The following NCOR2 variants were observed in gnomAD, a reference collection of about 807,000 sequenced individuals.
NCOR2 encodes CTG repeat protein 26.
Under a neutral mutation model 262.9 loss-of-function variants are expected in NCOR2, and 81 were observed. That is an observed-to-expected ratio of 0.31 (90% CI 0.26 to 0.37). The LOEUF is 0.37. NCOR2 is among the 10% of genes least tolerant of loss of function. The pLI is 1.00. For synonymous variants in NCOR2, 1,659 were observed against 1,559.3 expected (o/e 1.06, Z -1.51); for missense variants, 3,385 against 3,621.4 (o/e 0.93, Z 1.68).
At chr12:124,413,226 G>A (rs2042681739) in intron 13 of NCOR2, among the ~76,000 whole-genome samples, 1 of 152,210 alleles carries the variant, frequency 6.6e-6, no homozygotes, top group South Asian at 2.1e-4. Context: ...CCTGGGAGGG[G>A]CGGTCGTGCC....
At chr12:124,515,143 C>A (rs891514195) in intron 1 of NCOR2, among the ~76,000 whole-genome samples, 15 of 152,166 alleles carry the variant, frequency 9.9e-5, no homozygotes, top group African/African-American at 3.4e-4. Context: ...CTGCCTGGAC[C>A]CCCTGGGATG....
intron 20 of NCOR2, among the ~76,000 whole-genome samples, chr12:124,369,266 A>AAGAAAACACCCAGGC (rs2136007645): frequency 6.6e-6 from 1 of 152,330 alleles, no homozygotes; most frequent in Non-Finnish European, 1.5e-5. Flanking sequence ...GTCGTCTGCC[A>AAGAAAACACCCAGGC]AGAAAACACC....
At chr12:124,436,118 G>C (rs1258979313) in intron 8 of NCOR2, among the ~76,000 whole-genome samples, 1 of 152,252 alleles carries the variant, frequency 6.6e-6, no homozygotes, top group Non-Finnish European at 1.5e-5. Context: ...CTCACACACA[G>C]TAGGTGCTCC....
At chr12:124,343,157 G>A in exon 33 of NCOR2, 1 of 1,611,384 alleles carries the variant, frequency 6.2e-7, no homozygotes, top group Non-Finnish European at 8.5e-7. Flanking sequence ...GCTGTGCGGG[G>A]ACTTGGCGAT....
chr12:124,450,679 G>A (rs928992924), intron 6 of NCOR2, among the ~76,000 whole-genome samples: 7 of 152,160 alleles, frequency 4.6e-5, no homozygotes, highest in East Asian at 1.9e-4. Context: ...ACCAGGAGAC[G>A]CAGAAAGCAC....
At chr12:124,544,067 C>G (rs967973986) in intron 1 of NCOR2, among the ~76,000 whole-genome samples, 1 of 152,210 alleles carries the variant, frequency 6.6e-6, no homozygotes, top group Non-Finnish European at 1.5e-5. Context: ...TCAGCACCAG[C>G]GACGCCGCCT....
chr12:124,331,002 A>C (rs1217055046), intron 43 of NCOR2, 104 bp from the exon 46 acceptor site: 32 of 1,188,638 alleles, frequency 2.7e-5, no homozygotes, highest in Middle Eastern at 3.9e-4. Context: ...TCACCTGGGG[A>C]AACTTGTGCA....
intron 28 of NCOR2, 93 bp downstream of exon 30, chr12:124,350,494 T>C: frequency 6.7e-7 from 1 of 1,499,902 alleles, no homozygotes; most frequent in Non-Finnish European, 9.0e-7. Context: ...TGCTTTCTGA[T>C]GTCAATCCAG....
At chr12:124,336,963 C>A (rs747426729) in exon 38 of NCOR2, 2 of 1,527,826 alleles carry the variant, frequency 1.3e-6, no homozygotes, top group Non-Finnish European at 1.8e-6. Flanking sequence ...GGGGAGGAGG[C>A]GGGCTCCAGC....
chr12:124,371,349 T>C (rs2039496620), intron 20 of NCOR2, among the ~76,000 whole-genome samples: 2 of 152,080 alleles, frequency 1.3e-5, no homozygotes, highest in South Asian at 4.2e-4. Flanking sequence ...CCAGAGAAGG[T>C]ACATTCAAGT....
chr12:124,325,502 G>A, exon 47 of NCOR2: 1 of 1,359,846 alleles, frequency 7.4e-7, no homozygotes, highest in African/African-American at 1.5e-5. Flanking sequence ...GCTGCCCGCG[G>A]GGAGGCCCGG....
intron 13 of NCOR2, among the ~76,000 whole-genome samples, chr12:124,404,332 G>A (rs1054851589): frequency 2.0e-5 from 3 of 152,184 alleles, no homozygotes; most frequent in Non-Finnish European, 2.9e-5. Flanking sequence ...GGGCAGGGCC[G>A]GGGCTTTTGA....
intron 13 of NCOR2, among the ~76,000 whole-genome samples, chr12:124,412,982 G>C (rs1290434335): frequency 6.6e-6 from 1 of 152,254 alleles, no homozygotes; most frequent in Non-Finnish European, 1.5e-5. Flanking sequence ...AGCGTGGTCA[G>C]TGGTGTCTGA....
intron 7 of NCOR2, among the ~76,000 whole-genome samples, chr12:124,438,449 G>A (rs956791449): frequency 1.3e-5 from 2 of 152,100 alleles, no homozygotes; most frequent in African/African-American, 4.8e-5. Context: ...CTCCAACCAG[G>A]TGCTGTGCAT....
intron 13 of NCOR2, among the ~76,000 whole-genome samples, chr12:124,410,028 C>A (rs1242049182): frequency 6.6e-6 from 1 of 151,302 alleles, no homozygotes; most frequent in African/African-American, 2.4e-5. Context: ...GACATCCCTG[C>A]AGAACAGACT....
At position 124,432,579 on chromosome 12, in the gene NCOR2, G is replaced by A. The variant is rs753838741; in HGVS notation, c.883-1792C>T. 3.9e-5 allele frequency among the ~76,000 whole-genome samples: 6 copies of A among 152,196 alleles called. No individual in the cohort carries two copies. Among genetic ancestry groups the A allele is most frequent in the Non-Finnish European group, 8.8e-5 (6 of 68,038 alleles). On this transcript the variant is annotated intron_variant, in intron 8 of 46. Transcript: ENST00000405201. This position sits in a 1 kb window ranked among gnomAD's most constrained non-coding sequence, Gnocchi z 5.1. ...CTGCCACACCACAGGAAGCTGTGCT[G>A]TACAACATGCGGGCCCGTCAGCCCT...
chr12:124,530,068 A>G (rs1404497153), intron 1 of NCOR2: 1 of 152,260 alleles, frequency 6.6e-6, no homozygotes, highest in Non-Finnish European at 1.5e-5. Flanking sequence ...TTTGATGTCC[A>G]TCAACTGATG....
At chr12:124,359,502 G>A (rs1008063919) in intron 22 of NCOR2, among the ~76,000 whole-genome samples, 2 of 152,236 alleles carry the variant, frequency 1.3e-5, no homozygotes, top group Admixed American at 1.3e-4. Context: ...CCCACAGGAG[G>A]CAGGGGGCAC....
intron 3 of NCOR2, among the ~76,000 whole-genome samples, chr12:124,477,104 T>A (rs1462985404): frequency 6.6e-6 from 1 of 151,820 alleles, no homozygotes; most frequent in Non-Finnish European, 1.5e-5. Context: ...GAGGGGGAAG[T>A]GGGGGGTGAC....
Sources: allele counts gnomAD v4.1 joint callset (sites outside exome capture counted in the v4.1 genomes callset), GRCh38; gene constraint gnomAD v4.1.1; non-coding constraint Gnocchi (gnomAD v3.1); transcripts MANE v1.5; gene names NCBI Gene and HGNC (gene_info 2026-07-23, HGNC 2026-07-21).